SCARF2: variants seen among roughly 807,000 people sequenced by gnomAD.
SCARF2 encodes scavenger receptor expressed by endothelial cells 2 protein.
A neutral mutation model predicts 73.4 loss-of-function variants in SCARF2; 39 were observed. The ratio of observed to expected loss-of-function variants is 0.53; its 90% CI spans 0.41 to 0.69. SCARF2 has a LOEUF of 0.69. Among genes scored for constraint, SCARF2 ranks in the 30% least tolerant of loss-of-function variants. SCARF2 has a pLI of 0.00. For missense variants in SCARF2, 1,148 were observed against 1,303.5 expected (o/e 0.88, Z 1.84); for synonymous variants, 605 against 590.0 (o/e 1.03, Z -0.37).
intron 5 of SCARF2, 65 bp from the exon 6 acceptor site, chr22:20,430,622 T>TG (rs1286474457): frequency 1.2e-6 from 2 of 1,606,804 alleles, no homozygotes; most frequent in East Asian, 4.5e-5. Context: ...CCCTCGACAT[T>TG]GGGGCCTTTG....
intron 3 of SCARF2, 34 bp from the exon 4 acceptor site, chr22:20,431,571 C>T: frequency 1.9e-6 from 3 of 1,551,704 alleles, no homozygotes; most frequent in Admixed American, 1.9e-5. Flanking sequence ...TGGAAGGCCC[C>T]GGTGCTTGAG....
intron 1 of SCARF2, among the ~76,000 whole-genome samples, chr22:20,436,447 C>T (rs1193877455): frequency 6.6e-6 from 1 of 152,072 alleles, no homozygotes; most frequent in Non-Finnish European, 1.5e-5. Flanking sequence ...GCGGCGGCGG[C>T]ATCGATGCGA....
chr22:20,436,860 C>G (rs2052705886), intron 1 of SCARF2, among the ~76,000 whole-genome samples: 1 of 152,174 alleles, frequency 6.6e-6, no homozygotes, highest in Admixed American at 6.5e-5. Context: ...GACTCGCCCC[C>G]CCACCGGCCG....
rs2052614788 is a variant in SCARF2, at chr22:20,429,336, G to T, written c.1429C>A (p.Leu477Ile). ...CRGKDPTRRELSLGRKKAPHR... is the reference protein window; with the variant it reads ...CRGKDPTRREISLGRKKAPHR... Reference sequence around the variant, plus strand: ...GGCGCCTTCTTCCTCCCAAGCGAAAGCTCCCTGCGGGGGCGGGGTCTGAGC... The same window carrying T: ...GGCGCCTTCTTCCTCCCAAGCGAAATCTCCCTGCGGGGGCGGGGTCTGAGC... Residue 477 changes from leucine to isoleucine, a missense_variant, in exon 9 of 11, where the codon CTT becomes ATT. This residue lies in a region of SCARF2 where 437 missense variants were observed against 433.6 expected (regional missense o/e 1.01). Transcript: ENST00000622235. The surrounding 1 kb of genome is among the most constrained non-coding windows in gnomAD (Gnocchi z 5.2). 6.2e-7 allele frequency: 1 copy of T among 1,604,994 alleles called. No homozygotes were observed. The highest frequency in any genetic ancestry group is 1.1e-5 in the South Asian group (1 of 90,706).
chr22:20,427,062 A>T (rs2052586639), intron 10 of SCARF2, among the ~76,000 whole-genome samples: 1 of 152,144 alleles, frequency 6.6e-6, no homozygotes, highest in Non-Finnish European at 1.5e-5. Flanking sequence ...CTGTGGATCA[A>T]AGGCTGTGTG....
intron 1 of SCARF2, among the ~76,000 whole-genome samples, chr22:20,433,682 T>A (rs537479156): frequency 2.0e-5 from 3 of 152,330 alleles, no homozygotes; most frequent in African/African-American, 7.2e-5. Flanking sequence ...ATTGGTCCAG[T>A]GTATTTTCCA....
chr22:20,431,793 C>T lies in SCARF2; in HGVS notation c.286G>A (p.Gly96Ser). Residue 96 changes from glycine to serine, a missense_variant, in exon 3 of 11, where the codon GGC becomes AGC. By Grantham distance (56) the Gly-to-Ser change is moderately conservative. Coordinates refer to ENST00000622235, the MANE Select transcript of SCARF2 (RefSeq NM_182895.5). ...CSENEVCVRP[G>S]ECRCRHGYFG... The stretch of plus-strand genomic sequence containing the variant: ...TAGCCGTGGCGGCAGCGGCACTCGC[C>T]AGGCCTCACGCACACCTCGTTCTCT... 1 of 1,595,580 alleles carries T rather than the reference C, an allele frequency of 6.3e-7. No individual in the cohort carries two copies. Among genetic ancestry groups the T allele is most frequent in the South Asian group, 1.1e-5 (1 of 88,070 alleles).
At chr22:20,431,696 C>G in intron 3 of SCARF2, 49 bp downstream of exon 3, 1 of 1,386,056 alleles carries the variant, frequency 7.2e-7, no homozygotes. Context: ...CGCCCCATCT[C>G]TCCAGGATTC....
Position 20,437,709 on chromosome 22 carries a change from CCCGGCG to C in SCARF2, c.40_45del (p.Arg14_Arg15del). ...AGCGGTGACGGCGGCCCCCCGGCTC[CCCGGCG>C]CCGCGCCGGCCCGGCCCCCCGGGGC... is the stretch of plus-strand genomic sequence containing the variant. On this transcript the variant is annotated inframe_deletion, in exon 1 of 11. Transcript: ENST00000622235. 3.5e-6 allele frequency: 5 copies of C among 1,417,214 alleles called. No homozygotes were observed. Among genetic ancestry groups the C allele is most frequent in the Non-Finnish European group, 4.6e-6 (5 of 1,090,230 alleles). 87.8% of individuals were successfully genotyped at this position (1,417,214 alleles called of 1,614,324 possible).
Position 20,431,080 on chromosome 22 carries a change from G to A in SCARF2, c.792C>T (p.Tyr264=). 1 of 1,548,112 alleles carries A rather than the reference G, an allele frequency of 6.5e-7. No homozygotes were observed. Among genetic ancestry groups the A allele is most frequent in the Non-Finnish European group, 8.7e-7 (1 of 1,153,776 alleles). The part of the protein sequence containing the change: ...VDGTCACEPG[Y]RGKYCREPCP... ...ACGGCTCGCGACAGTACTTGCCGCGGTAGCCCGGCTCGCAGGCACACGTGC... is the reference window on the plus strand; with the variant it reads ...ACGGCTCGCGACAGTACTTGCCGCGATAGCCCGGCTCGCAGGCACACGTGC... Residue 264 remains tyrosine (Y), a synonymous_variant, in exon 4 of 11, where the codon TAC becomes TAT. Coordinates refer to ENST00000622235, the MANE Select transcript of SCARF2 (RefSeq NM_182895.5).
chr22:20,431,271 G>A lies in SCARF2; in HGVS notation c.601C>T (p.Leu201=), dbSNP rs1364904066. 1 of 1,539,020 alleles carries A rather than the reference G, an allele frequency of 6.5e-7. No individual in the cohort carries two copies. The highest frequency in any genetic ancestry group is 1.4e-5 in the African/African-American group (1 of 72,688). The change falls in exon 4 of 11, where the codon CTG becomes TTG. Residue 201 remains leucine, a synonymous_variant. Coordinates refer to ENST00000622235, the MANE Select transcript of SCARF2 (RefSeq NM_182895.5). ...CGGCCCCACCAGCCTGCGTGGCACA[G>A]GCAGGCGCCGGTCTGTGGGTCGCAG... ...SRCDPQTGAC[L]CHAGWWGRSC...
chr22:20,431,370 C>A lies in SCARF2; in HGVS notation c.502G>T (p.Gly168Cys). ...CAGCCGGGCTCACAGCGGCACGCGC[C>A]GCTCCGCGGGTGGCACGTGCCGTGC... ...CQHGTCHPRS[G>C]ACRCEPGWWG... The change falls in exon 4 of 11, where the codon GGC becomes TGC. Residue 168 changes from glycine to cysteine, a missense_variant. This residue lies in a region of SCARF2 where 372 missense variants were observed against 532.0 expected (regional missense o/e 0.70). Transcript: ENST00000622235. 6.6e-7 allele frequency: 1 copy of A among 1,519,724 alleles called. No homozygotes were observed. 94.1% of individuals were successfully genotyped at this position (1,519,724 alleles called of 1,614,324 possible).
In SCARF2 at chr22:20,431,328, C is replaced by A; in HGVS notation, c.544G>T (p.Ala182Ser). ...CEPGWWGAQC[A>S]SACYCSATSR... ...GTGGCGCTGCAGTAGCACGCGCTGG[C>A]GCACTGCGCGCCCCACCAGCCGGGC... Residue 182 changes from alanine (A) to serine (S), a missense_variant, in exon 4 of 11, where the codon GCC (alanine) becomes TCC (serine). By Grantham distance (99) the Ala-to-Ser change is moderately conservative (BLOSUM62 1). Around this residue, in one of 5 missense-constraint regions of SCARF2, gnomAD observed 372 missense variants for 532.0 expected, o/e 0.70. Coordinates refer to ENST00000622235, the MANE Select transcript of SCARF2 (RefSeq NM_182895.5). 6.6e-7 allele frequency: 1 copy of A among 1,506,800 alleles called. No homozygotes were observed. The highest frequency in any genetic ancestry group is 1.2e-5 in the South Asian group (1 of 80,978). 93.3% of individuals were successfully genotyped at this position (1,506,800 alleles called of 1,614,324 possible).
intron 9 of SCARF2, among the ~76,000 whole-genome samples, chr22:20,428,311 C>A (rs1019526551): frequency 7.2e-6 from 1 of 138,208 alleles, no homozygotes; most frequent in East Asian, 2.4e-4. Context: ...TTTTTCTTGA[C>A]AGTTTTGCTC....
chr22:20,433,690 C>T lies in SCARF2; in HGVS notation c.174-1702G>A, dbSNP rs548449596. Among the ~76,000 whole-genome samples, 5 of 152,348 alleles carry T rather than the reference C, an allele frequency of 3.3e-5. No individual in the cohort carries two copies. The South Asian group carries it at 1.0e-3, about 32-fold the overall frequency. On this transcript the variant is annotated intron_variant, in intron 1 of 10. Coordinates refer to ENST00000622235, the MANE Select transcript of SCARF2 (RefSeq NM_182895.5). Reference sequence around the variant, plus strand: ...TTGGGGAATTGGTCCAGTGTATTTTCCACAATAAAACTGGAAACCAGAGAC... The same window carrying T: ...TTGGGGAATTGGTCCAGTGTATTTTTCACAATAAAACTGGAAACCAGAGAC...
intron 10 of SCARF2, 108 bp from the exon 11 acceptor site, chr22:20,426,390 T>C: frequency 8.1e-7 from 1 of 1,235,528 alleles, no homozygotes. Flanking sequence ...CCCTTGGCAC[T>C]GTGTCACCCT....
At position 20,427,158 on chromosome 22, in the gene SCARF2, A is replaced by G. The variant is rs77025632; in HGVS notation, c.1693+240T>C. Among the ~76,000 whole-genome samples, 4,877 of 151,996 alleles carry G rather than the reference A, an allele frequency of 0.032. 256 individuals are homozygous for G. The highest frequency in any genetic ancestry group is 0.11 in the African/African-American group (4,493 of 41,458). On this transcript the variant is annotated intron_variant, in intron 10 of 10. Coordinates refer to ENST00000622235, the MANE Select transcript of SCARF2 (RefSeq NM_182895.5). Reference sequence around the variant, plus strand: ...TAAGCCCAGAAACTTCTCTCTGCCTACTTTCCCCCAGGAGCAACCCTGGGC... The same window carrying G: ...TAAGCCCAGAAACTTCTCTCTGCCTGCTTTCCCCCAGGAGCAACCCTGGGC...
At position 20,427,415 on chromosome 22, in the gene SCARF2, T is replaced by C; in HGVS notation, c.1676A>G (p.Tyr559Cys). ...TTACTTACCCTCATGGGGTACACAG[T>C]ACACAGGGCCTTCATCAGTGGTGTC... ...SFDTTDEGPV[Y>C]CVPHEEAPAE... The change falls in exon 10 of 11, where the codon TAC becomes TGC. Residue 559 changes from tyrosine to cysteine, a missense_variant. This residue lies in a region of SCARF2 where 437 missense variants were observed against 433.6 expected (regional missense o/e 1.01). Coordinates refer to ENST00000622235, the MANE Select transcript of SCARF2 (RefSeq NM_182895.5). The C allele has an allele frequency of 6.2e-7, 1 of 1,614,120 alleles. No individual in the cohort carries two copies. The highest frequency in any genetic ancestry group is 1.1e-5 in the South Asian group (1 of 91,082).
At chr22:20,431,724 C>T (rs1192525341) in intron 3 of SCARF2, 21 bp downstream of exon 3, 3 of 1,413,352 alleles carry the variant, frequency 2.1e-6, no homozygotes, top group Non-Finnish European at 2.9e-6. Flanking sequence ...CCGACCAATA[C>T]CGGCCCGACC....
Sources: gnomAD v4.1 joint callset for allele counts (sites outside exome capture counted in the v4.1 genomes callset) on GRCh38, gnomAD v4.1.1 for gene constraint, gnomAD v4.1.1 regional missense constraint, Gnocchi (gnomAD v3.1) non-coding constraint, MANE v1.5 for transcripts, NCBI Gene and HGNC (gene_info 2026-07-23, HGNC 2026-07-21) for gene names.